NTN4: variants seen among roughly 807,000 people sequenced by gnomAD.
The protein encoded by NTN4 is netrin 4, also known as netrin-4.
A neutral mutation model predicts 73.6 loss-of-function variants in NTN4; 32 were observed. The observed-to-expected ratio is 0.44, with a 90% confidence interval of 0.33 to 0.58. The LOEUF (loss-of-function observed/expected upper bound fraction) is 0.58. Ranked by LOEUF, NTN4 falls within the 20% of genes least tolerant of loss-of-function variation. NTN4 has a pLI of 0.04. For missense variants in NTN4, 654 were observed against 798.3 expected (o/e 0.82, Z 2.18); for synonymous variants, 258 against 287.5 (o/e 0.90, Z 1.04).
intron 2 of NTN4, among the ~76,000 whole-genome samples, chr12:95,753,687 T>A: frequency 6.6e-6 from 1 of 151,240 alleles, no homozygotes; most frequent in East Asian, 1.9e-4. Flanking sequence ...AAAGGTCTTT[T>A]AAAAACACAC....
intron 3 of NTN4, among the ~76,000 whole-genome samples, chr12:95,723,004 T>G (rs1034426754): frequency 7.1e-6 from 1 of 140,014 alleles, no homozygotes; most frequent in Non-Finnish European, 1.6e-5. Context: ...AAAAAATCCA[T>G]TGTTTTAAAA....
At chr12:95,753,899 A>G (rs995334362) in intron 2 of NTN4, among the ~76,000 whole-genome samples, 7 of 151,994 alleles carry the variant, frequency 4.6e-5, no homozygotes, top group African/African-American at 1.7e-4. Context: ...TGTCATCCCT[A>G]CTATCTTCTG....
At chr12:95,703,626 T>C (rs978384819) in intron 5 of NTN4, among the ~76,000 whole-genome samples, 1 of 152,212 alleles carries the variant, frequency 6.6e-6, no homozygotes, top group Non-Finnish European at 1.5e-5. Context: ...TTGAAGGCCA[T>C]AGCAAAATTT....
intron 3 of NTN4, among the ~76,000 whole-genome samples, chr12:95,715,938 C>T (rs1253341293): frequency 6.6e-6 from 1 of 152,014 alleles, no homozygotes; most frequent in Admixed American, 6.6e-5. Flanking sequence ...AAAAGAGAGT[C>T]TTTGAGAAAA....
chr12:95,777,143 C>A (rs1187576466), intron 2 of NTN4, among the ~76,000 whole-genome samples: 1 of 152,128 alleles, frequency 6.6e-6, no homozygotes, highest in East Asian at 1.9e-4. Flanking sequence ...GCCTGCCCTA[C>A]AAGAGCTCCT....
chr12:95,714,646 C>T (rs1391132308), intron 3 of NTN4, among the ~76,000 whole-genome samples: 4 of 152,082 alleles, frequency 2.6e-5, no homozygotes, highest in Admixed American at 6.6e-5. Flanking sequence ...ATAATGCTGG[C>T]GTTCAAAAGA....
At chr12:95,760,344 C>G (rs11108239) in intron 2 of NTN4, among the ~76,000 whole-genome samples, 32,533 of 152,210 alleles carry the variant, frequency 0.21, 4,128 homozygotes, top group Non-Finnish European at 0.29. Context: ...TCTTTCTTCA[C>G]TCTTTTAGAG....
intron 7 of NTN4, among the ~76,000 whole-genome samples, chr12:95,681,517 A>C (rs1362972): frequency 0.89 from 135,764 of 152,224 alleles, 60,810 homozygotes; most frequent in East Asian, 1. Context: ...ATTTAACTTG[A>C]TGTGAGTTTA....
chr12:95,732,027 G>A (rs1440674310), intron 3 of NTN4, among the ~76,000 whole-genome samples: 2 of 152,126 alleles, frequency 1.3e-5, no homozygotes, highest in Non-Finnish European at 2.9e-5. Flanking sequence ...TATAATCCAT[G>A]ATAGTTTTTT....
chr12:95,750,610 C>T (rs1319765156), intron 2 of NTN4, among the ~76,000 whole-genome samples: 1 of 152,196 alleles, frequency 6.6e-6, no homozygotes, highest in Non-Finnish European at 1.5e-5. Flanking sequence ...TTCTTTTACA[C>T]ATCAGTCCCT....
chr12:95,713,435 C>A (rs932652880), intron 3 of NTN4, 97 bp from the exon 4 acceptor site: 2 of 1,351,752 alleles, frequency 1.5e-6, no homozygotes, highest in East Asian at 2.4e-5. Context: ...TGGCTTTAGT[C>A]ATAAGATGTT....
At chr12:95,742,048 G>A (rs1565903930) in intron 2 of NTN4, among the ~76,000 whole-genome samples, 1 of 152,068 alleles carries the variant, frequency 6.6e-6, no homozygotes, top group Non-Finnish European at 1.5e-5. Context: ...CGAATCCCTT[G>A]AACTTTGCCT....
At chr12:95,759,036 C>T (rs950101093) in intron 2 of NTN4, among the ~76,000 whole-genome samples, 1 of 152,176 alleles carries the variant, frequency 6.6e-6, no homozygotes, top group African/African-American at 2.4e-5. Flanking sequence ...TAATTTTTCT[C>T]TACAGTTGAA....
chr12:95,737,847 G>A lies in NTN4; in HGVS notation c.864+19C>T, dbSNP rs1248012025. Reference sequence around the variant, plus strand: ...AACTTATGATTTGTTTTTCTTAGGGGAGGACTTGTTTCACCTACCATGTGG... The same window carrying A: ...AACTTATGATTTGTTTTTCTTAGGGAAGGACTTGTTTCACCTACCATGTGG... On this transcript the variant is annotated intron_variant, in intron 3 of 9. Transcript: ENST00000343702. The A allele has an allele frequency of 6.3e-7, 1 of 1,597,926 alleles. No homozygotes were observed. Among genetic ancestry groups the A allele is most frequent in the South Asian group, 1.1e-5 (1 of 89,204 alleles).
rs2078167880 is a variant in NTN4 at position 95,664,897 on chromosome 12, G to A, written c.1750+913C>T. 3.3e-5 allele frequency among the ~76,000 whole-genome samples: 5 copies of A among 152,040 alleles called. No homozygotes were observed. The South Asian group carries it at 1.0e-3, about 32-fold the overall frequency. ...GAAGGAATAAACTCATATAAACAATGAGTTTATATGGGGAAGAACATAAAT... is the reference window on the plus strand; with the variant it reads ...GAAGGAATAAACTCATATAAACAATAAGTTTATATGGGGAAGAACATAAAT... On this transcript the variant is annotated intron_variant, in intron 9 of 9. Transcript: ENST00000343702.
chr12:95,658,698 A>T lies in NTN4; in HGVS notation c.*388T>A, dbSNP rs2078111217. On this transcript the variant is annotated 3_prime_UTR_variant, in exon 10 of 10. Coordinates refer to ENST00000343702, the MANE Select transcript of NTN4 (RefSeq NM_021229.4). ...ACCTTTTCTGATAGTAGGGTTAGGG[A>T]TTCCTTAAAACGTCATTCATTACTT... The T allele has an allele frequency of 6.4e-6, 1 of 155,954 alleles. No individual in the cohort carries two copies. Among genetic ancestry groups the T allele is most frequent in the Admixed American group, 6.5e-5 (1 of 15,414 alleles). 9.7% of individuals were successfully genotyped at this position (155,954 alleles called of 1,614,324 possible).
intron 5 of NTN4, among the ~76,000 whole-genome samples, chr12:95,701,857 T>A (rs1169957226): frequency 6.6e-6 from 1 of 152,138 alleles, no homozygotes; most frequent in Non-Finnish European, 1.5e-5. Flanking sequence ...ATGCCATCAA[T>A]ATTTGTTGAA....
chr12:95,722,021 G>A (rs779302391), intron 3 of NTN4, among the ~76,000 whole-genome samples: 5 of 151,582 alleles, frequency 3.3e-5, no homozygotes, highest in Admixed American at 6.6e-5. Context: ...ATATATACAC[G>A]GTGGGCACTG....
chr12:95,775,962 A>C (rs2079089033), intron 2 of NTN4, among the ~76,000 whole-genome samples: 1 of 152,112 alleles, frequency 6.6e-6, no homozygotes, highest in Non-Finnish European at 1.5e-5. Flanking sequence ...CTGAGACAAA[A>C]CTTCCAGAGG....
Sources: gnomAD v4.1 joint callset for allele counts (sites outside exome capture counted in the v4.1 genomes callset) on GRCh38, gnomAD v4.1.1 for gene constraint, MANE v1.5 for transcripts, NCBI Gene and HGNC (gene_info 2026-07-23, HGNC 2026-07-21) for gene names.